AK9: variants seen among roughly 807,000 people sequenced by gnomAD.
AK9 encodes the protein adenylate kinase domain containing 1.
In AK9, 191 loss-of-function variants were observed where a neutral mutation model predicts 239.6. That is an observed-to-expected ratio of 0.80 (90% CI 0.71 to 0.90). The LOEUF (loss-of-function observed/expected upper bound fraction) is 0.90. Among genes scored for constraint, AK9 ranks in the 40% least tolerant of loss-of-function variants. The pLI is 0.00. For synonymous variants in AK9, 689 were observed against 721.0 expected (o/e 0.96, Z 0.71); for missense variants, 1,995 against 2,214.7 (o/e 0.90, Z 1.99).
At chr6:109,497,359 C>CACAT in intron 38 of AK9, 106 bp downstream of exon 38, 2 of 641,138 alleles carry the variant, frequency 3.1e-6, no homozygotes, top group South Asian at 3.3e-5. Flanking sequence ...CACACACACA[C>CACAT]ACACTCTCTC....
At chr6:109,587,823 C>T (rs575271579) in intron 17 of AK9, among the ~76,000 whole-genome samples, 9 of 152,224 alleles carry the variant, frequency 5.9e-5, no homozygotes, top group East Asian at 1.9e-4. Context: ...AATGGGATTG[C>T]GGTTCAATGG....
intron 28 of AK9, among the ~76,000 whole-genome samples, chr6:109,531,080 C>T (rs868374753): frequency 2.0e-5 from 3 of 152,004 alleles, no homozygotes; most frequent in Non-Finnish European, 2.9e-5. Flanking sequence ...CTACCAGATA[C>T]GGGATTGCCA....
At chr6:109,621,792 A>G (rs1460791846) in intron 12 of AK9, among the ~76,000 whole-genome samples, 2 of 143,926 alleles carry the variant, frequency 1.4e-5, no homozygotes, top group African/African-American at 5.2e-5. Context: ...ACCTAATGCT[A>G]GATGATGAGT....
chr6:109,500,674 C>G (rs1030295054), intron 35 of AK9, among the ~76,000 whole-genome samples: 2 of 152,050 alleles, frequency 1.3e-5, no homozygotes, highest in Non-Finnish European at 2.9e-5. Flanking sequence ...TATCTAAGAC[C>G]CTTGGGGCCA....
At chr6:109,544,189 C>T (rs555085140) in intron 26 of AK9, among the ~76,000 whole-genome samples, 1 of 152,232 alleles carries the variant, frequency 6.6e-6, no homozygotes, top group Non-Finnish European at 1.5e-5. Flanking sequence ...ACTCACTATC[C>T]AACCCTGCTT....
intron 1 of AK9, 46 bp downstream of exon 1, chr6:109,691,101 T>C (rs1231388121): frequency 2.1e-6 from 1 of 468,972 alleles, no homozygotes; most frequent in Non-Finnish European, 3.9e-6. Context: ...TAGACTCAAT[T>C]AATCCGTCGA....
intron 35 of AK9, among the ~76,000 whole-genome samples, chr6:109,503,684 G>T (rs1777817961): frequency 6.6e-6 from 1 of 152,190 alleles, no homozygotes. Context: ...AGAGAGGCAG[G>T]CACTGGAATC....
chr6:109,501,653 G>T (rs899753228), intron 35 of AK9, among the ~76,000 whole-genome samples: 1 of 152,156 alleles, frequency 6.6e-6, no homozygotes, highest in African/African-American at 2.4e-5. Flanking sequence ...AAGGTCTTTA[G>T]GACATAAACT....
chr6:109,558,367 A>C (rs1303898749), intron 24 of AK9, among the ~76,000 whole-genome samples: 1 of 152,184 alleles, frequency 6.6e-6, no homozygotes. Context: ...TGTAATGTAC[A>C]TTTAGGCCTA....
rs756706847 is a variant in AK9, at chr6:109,659,348, T to C, written c.510A>G (p.Ile170Met). The change falls in exon 7 of 41, where the codon ATA becomes ATG. Residue 170 changes from isoleucine to methionine, a missense_variant. Around this residue, in one of 5 missense-constraint regions of AK9, gnomAD observed 252 missense variants for 246.4 expected, o/e 1.02. Coordinates refer to ENST00000424296, the MANE Select transcript of AK9 (RefSeq NM_001145128.3). ...CAGGATCCCACTGGTCTCTACTGTA[T>C]ATGTATCCCGTATTATTGTGCTGTC... ...GQRQHNNTGYIYSRDQWDPEV... is the reference protein window; with the variant it reads ...GQRQHNNTGYMYSRDQWDPEV... 2.9e-5 allele frequency: 46 copies of C among 1,612,352 alleles called. No homozygotes were observed. The highest frequency in any genetic ancestry group is 3.7e-5 in the Non-Finnish European group (44 of 1,179,672).
At position 109,633,201 on chromosome 6, in the gene AK9, T is replaced by C. The variant is rs1034858441; in HGVS notation, c.1056A>G (p.Leu352=). ...NLKDGNIYSG[L]PDYSVSFLGK... ...TTACTTACCTCACAGAATAATCTGG[T>C]AATCCTGAATAAATGTTACCATCTT... is the stretch of plus-strand genomic sequence containing the variant. The change falls in exon 11 of 41, where the codon TTA becomes TTG. Residue 352 remains leucine, a synonymous_variant. Transcript: ENST00000424296. 1.9e-6 allele frequency: 3 copies of C among 1,597,996 alleles called. No individual in the cohort carries two copies. The highest frequency in any genetic ancestry group is 1.2e-5 in the South Asian group (1 of 86,588).
intron 17 of AK9, among the ~76,000 whole-genome samples, chr6:109,597,659 A>G (rs559164798): frequency 6.9e-6 from 1 of 144,416 alleles, no homozygotes; most frequent in African/African-American, 2.6e-5. Context: ...GGGGACAGAG[A>G]GAGACACCGT....
At chr6:109,635,565 C>T (rs1796615354) in intron 10 of AK9, among the ~76,000 whole-genome samples, 1 of 152,078 alleles carries the variant, frequency 6.6e-6, no homozygotes, top group Non-Finnish European at 1.5e-5. Context: ...TGTGAGGGAC[C>T]CCAGACACAG....
chr6:109,515,364 G>A (rs1260692514), intron 31 of AK9, among the ~76,000 whole-genome samples: 4 of 152,330 alleles, frequency 2.6e-5, no homozygotes, highest in African/African-American at 9.6e-5. Context: ...AGTTGGAGGA[G>A]TGGTGCCCCA....
At chr6:109,573,408 T>C (rs1042427148) in intron 21 of AK9, 34 bp downstream of exon 21, 6 of 1,521,972 alleles carry the variant, frequency 3.9e-6, no homozygotes, top group Non-Finnish European at 5.3e-6. Context: ...TGCACATGAG[T>C]AGAATTAAGA....
intron 8 of AK9, among the ~76,000 whole-genome samples, chr6:109,645,888 G>A (rs140977597): frequency 6.6e-6 from 1 of 152,222 alleles, no homozygotes; most frequent in Non-Finnish European, 1.5e-5. Context: ...AACATTTGCT[G>A]TTCTGCAATA....
chr6:109,562,373 T>C (rs1036980960), intron 24 of AK9, among the ~76,000 whole-genome samples: 1 of 152,242 alleles, frequency 6.6e-6, no homozygotes, highest in African/African-American at 2.4e-5. Flanking sequence ...ATATCTTCTA[T>C]ATCTCTGTTT....
chr6:109,635,428 T>G (rs1234877900), intron 10 of AK9, among the ~76,000 whole-genome samples: 1 of 152,054 alleles, frequency 6.6e-6, no homozygotes, highest in Non-Finnish European at 1.5e-5. Flanking sequence ...GTGTAACTGG[T>G]TGGAAATCTT....
At chr6:109,660,127 A>T (rs1409684879) in intron 6 of AK9, among the ~76,000 whole-genome samples, 1 of 152,238 alleles carries the variant, frequency 6.6e-6, no homozygotes, top group Non-Finnish European at 1.5e-5. Flanking sequence ...CTAAGAAACC[A>T]ATCTCAGGTC....
Sources: gnomAD v4.1 joint callset for allele counts (sites outside exome capture counted in the v4.1 genomes callset) on GRCh38, gnomAD v4.1.1 for gene constraint, gnomAD v4.1.1 regional missense constraint, MANE v1.5 for transcripts, NCBI Gene and HGNC (gene_info 2026-07-23, HGNC 2026-07-21) for gene names.